The following YTHDC2 variants were observed in gnomAD, a reference collection of about 807,000 sequenced individuals.
YTHDC2 encodes YTH N6-methyladenosine RNA binding protein C2, also known as 3'-5' RNA helicase YTHDC2.
YTHDC2 carries 45 observed loss-of-function variants against 174.9 expected under a neutral mutation model. That is an observed-to-expected ratio of 0.26 (90% CI 0.20 to 0.33). The LOEUF is 0.33. YTHDC2 is among the 10% of genes least tolerant of loss of function. The pLI is 1.00. For missense variants in YTHDC2, 1,650 were observed against 1,723.7 expected (o/e 0.96, Z 0.76); for synonymous variants, 657 against 574.5 (o/e 1.14, Z -2.05).
chr5:113,534,926 T>C (rs1774952836), intron 6 of YTHDC2, among the ~76,000 whole-genome samples: 1 of 152,192 alleles, frequency 6.6e-6, no homozygotes, highest in African/African-American at 2.4e-5. Flanking sequence ...AAAAATTAGA[T>C]TAAGTTTTAT....
In YTHDC2 at chr5:113,592,157, G is replaced by A. The variant is rs555697188; in HGVS notation, c.4191G>A (p.Val1397=). The A allele has an allele frequency of 6.2e-6, 10 of 1,611,104 alleles. No individual in the cohort carries two copies. Among genetic ancestry groups the A allele is most frequent in the African/African-American group, 1.3e-5 (1 of 74,424 alleles). ...LLNPWNDNKK[V]QISRDGQELE... ...ATCCATGGAATGACAACAAGAAAGTGCAGATAAGCAGGGATGGGCAGGTAT... is the reference window on the plus strand; with the variant it reads ...ATCCATGGAATGACAACAAGAAAGTACAGATAAGCAGGGATGGGCAGGTAT... Residue 1397 remains valine, a synonymous_variant, in exon 28 of 30, where the codon GTG becomes GTA. Transcript: ENST00000161863.
intron 4 of YTHDC2, among the ~76,000 whole-genome samples, chr5:113,530,028 T>C (rs2112569078): frequency 6.6e-6 from 1 of 152,206 alleles, no homozygotes; most frequent in South Asian, 2.1e-4. Context: ...CCTTGAACTC[T>C]TGGCCTCAAG....
intron 5 of YTHDC2, among the ~76,000 whole-genome samples, chr5:113,533,530 C>G (rs990354804): frequency 6.7e-6 from 1 of 149,032 alleles, no homozygotes; most frequent in Non-Finnish European, 1.5e-5. Context: ...GCCTGGGCAA[C>G]AAGAGCGAAA....
chr5:113,524,894 C>A (rs1774109869), intron 2 of YTHDC2, 87 bp from the exon 3 acceptor site: 5 of 994,374 alleles, frequency 5.0e-6, no homozygotes, highest in Middle Eastern at 3.3e-4. Context: ...CAGTGTTTTG[C>A]TTGAGACATA....
intron 17 of YTHDC2, among the ~76,000 whole-genome samples, chr5:113,559,160 A>G (rs1270094922): frequency 6.6e-6 from 1 of 151,296 alleles, no homozygotes; most frequent in Non-Finnish European, 1.5e-5. Flanking sequence ...GCCTGGAGGT[A>G]AGTCAGAGGC....
intron 25 of YTHDC2, chr5:113,582,332 CTTCTT>C (rs1353882873): frequency 1.3e-5 from 2 of 152,052 alleles, no homozygotes; most frequent in African/African-American, 4.8e-5. Flanking sequence ...TAGCCAAATT[CTTCTT>C]TTCTTCTTTT....
rs751672149 is a variant in YTHDC2 at position 113,526,679 on chromosome 5, G to C, written c.569G>C (p.Arg190Thr). 1.3e-5 allele frequency: 21 copies of C among 1,605,232 alleles called. No homozygotes were observed. In the South Asian group the frequency reaches 2.0e-4, roughly 15 times the overall value. ...KRGESEFDSF[R>T]QSLPVFEKQE... ...GGAGAATCCGAATTTGATTCTTTTA[G>C]GCAGTCTTTACCAGTGTTTGAGAAA... The change falls in exon 4 of 30, where the codon AGG (arginine) becomes ACG (threonine). Residue 190 changes from arginine (R) to threonine (T), a missense_variant. This residue lies in a region of YTHDC2 where 304 missense variants were observed against 341.4 expected (regional missense o/e 0.89). Transcript: ENST00000161863.
chr5:113,513,782 C>A lies in YTHDC2; in HGVS notation c.-114C>A. On this transcript the variant is annotated 5_prime_UTR_variant, in exon 1 of 30. Coordinates refer to ENST00000161863, the MANE Select transcript of YTHDC2 (RefSeq NM_022828.5). Reference sequence around the variant, plus strand: ...CCTTTCTGGTGACCTCAGCCCAACACAGGCCGTCTCCGGAGCTTCCCGGTA... The same window carrying A: ...CCTTTCTGGTGACCTCAGCCCAACAAAGGCCGTCTCCGGAGCTTCCCGGTA... 16 of 1,233,982 alleles carry A rather than the reference C, an allele frequency of 1.3e-5. No homozygotes were observed. The highest frequency in any genetic ancestry group is 1.6e-5 in the Non-Finnish European group (15 of 919,250). 76.4% of individuals were successfully genotyped at this position (1,233,982 alleles called of 1,614,324 possible). A position where few individuals can be genotyped will look rare whatever the true frequency, so the allele number is the denominator to read the frequency against.
intron 2 of YTHDC2, among the ~76,000 whole-genome samples, chr5:113,518,078 TG>T (rs1773594694): frequency 6.6e-6 from 1 of 151,910 alleles, no homozygotes; most frequent in Non-Finnish European, 1.5e-5. Context: ...TCAGTAGAGA[TG>T]GGGTTTCACT....
At position 113,584,773 on chromosome 5, in the gene YTHDC2, C is replaced by CTTT. The variant is rs34217644; in HGVS notation, c.3825+313_3825+315dup. 2.7e-3 allele frequency among the ~76,000 whole-genome samples: 256 copies of CTTT among 95,702 alleles called. 11 individuals carry two copies. The highest frequency in any genetic ancestry group is 6.3e-3 in the African/African-American group (143 of 22,826). 62.8% of individuals were successfully genotyped at this position (95,702 alleles called of 152,430 possible). On this transcript the variant is annotated intron_variant, in intron 26 of 29. Transcript: ENST00000161863. The stretch of plus-strand genomic sequence containing the variant: ...ATTTCTTTCCTATTTCTTTCGAATC[C>CTTT]TTTTTTTTTTTTTTTTTTTTTGAGG...
chr5:113,533,093 A>G (rs771161671), intron 5 of YTHDC2, 48 bp downstream of exon 5: 3 of 1,592,956 alleles, frequency 1.9e-6, no homozygotes, highest in Non-Finnish European at 2.6e-6. Context: ...CTTAAAAAAG[A>G]CTATGTATAT....
rs763962663 is a variant in YTHDC2, at chr5:113,525,115, A to G, written c.413A>G (p.Asn138Ser). 39 of 1,611,836 alleles carry G rather than the reference A, an allele frequency of 2.4e-5. No homozygotes were observed. The highest frequency in any genetic ancestry group is 8.0e-5 in the African/African-American group (6 of 74,810). ...RSLIQRFPVT[N>S]KERTELLPKT... ...CTAATTCAAAGATTTCCTGTCACCA[A>G]TAAAGAGCGTACAGAACTTCTGCCT... The change falls in exon 3 of 30, where the codon AAT becomes AGT. Residue 138 changes from asparagine (N) to serine (S), a missense_variant. Physicochemically the swap from Asn to Ser is conservative, Grantham distance 46. Coordinates refer to ENST00000161863, the MANE Select transcript of YTHDC2 (RefSeq NM_022828.5).
At chr5:113,520,832 AG>A (rs758724897) in intron 2 of YTHDC2, among the ~76,000 whole-genome samples, 3 of 152,158 alleles carry the variant, frequency 2.0e-5, no homozygotes, top group Non-Finnish European at 4.4e-5. Context: ...GCATGAGTCA[AG>A]GGGGTTTGTT....
chr5:113,576,300 G>C (rs942858050), intron 23 of YTHDC2, among the ~76,000 whole-genome samples: 12 of 152,152 alleles, frequency 7.9e-5, no homozygotes, highest in African/African-American at 2.9e-4. Flanking sequence ...CAAGAAAGGA[G>C]TGGTTAGCTC....
intron 2 of YTHDC2, among the ~76,000 whole-genome samples, chr5:113,522,130 T>G (rs1193194707): frequency 1.4e-5 from 1 of 72,594 alleles, no homozygotes; most frequent in Non-Finnish European, 3.3e-5. Context: ...TGCCTGTTTT[T>G]TTTGTTTTTT....
chr5:113,548,873 A>G, intron 11 of YTHDC2, 82 bp from the exon 12 acceptor site: 1 of 1,327,110 alleles, frequency 7.5e-7, no homozygotes, highest in Non-Finnish European at 1.0e-6. Context: ...TTGAAAAGAC[A>G]GGGTCTTGAT....
intron 7 of YTHDC2, among the ~76,000 whole-genome samples, chr5:113,538,270 C>T (rs1775219196): frequency 6.6e-6 from 1 of 152,140 alleles, no homozygotes; most frequent in Admixed American, 6.6e-5. Flanking sequence ...TAAATCCATT[C>T]TCCATATTGC....
chr5:113,538,257 C>T (rs919245303), intron 7 of YTHDC2, among the ~76,000 whole-genome samples: 4 of 152,164 alleles, frequency 2.6e-5, no homozygotes, highest in African/African-American at 9.7e-5. Flanking sequence ...ATTCTGCTGT[C>T]TTTAAATCCA....
chr5:113,584,246 T>A lies in YTHDC2; in HGVS notation c.3648-56T>A, dbSNP rs148451691. The A allele has an allele frequency of 1.9e-4, 277 of 1,460,582 alleles. No homozygotes were observed. In the African/African-American group the frequency reaches 3.6e-3, roughly 19 times the overall value. The allele number at this position is 1,460,582 out of a possible 1,614,324, so 90.5% of individuals were successfully genotyped here. A position where few individuals can be genotyped will look rare whatever the true frequency, so the allele number is the denominator to read the frequency against. On this transcript the variant is annotated intron_variant, in intron 25 of 29. Coordinates refer to ENST00000161863, the MANE Select transcript of YTHDC2 (RefSeq NM_022828.5). ...GTATTATAAACTTATACATAACTGA[T>A]CTTTGTATGACGAACTTATATATAA...
Sources: allele counts gnomAD v4.1 joint callset (sites outside exome capture counted in the v4.1 genomes callset), GRCh38; gene constraint gnomAD v4.1.1; regional missense constraint gnomAD v4.1.1; transcripts MANE v1.5; gene names NCBI Gene and HGNC (gene_info 2026-07-23, HGNC 2026-07-21).